Variants in ZBTB20 observed in about 807,000 individuals in gnomAD.
ZBTB20 encodes the protein zinc finger and BTB domain-containing protein 20.
A neutral mutation model predicts 56.9 loss-of-function variants in ZBTB20; 9 were observed. The observed-to-expected ratio is 0.16, with a 90% CI of 0.10 to 0.28. The LOEUF is 0.28. Ranked by LOEUF, ZBTB20 falls within the 10% of genes least tolerant of loss-of-function variation. The pLI is 1.00. For missense variants in ZBTB20, 655 were observed against 1,003.0 expected, an observed-to-expected ratio of 0.65 and a Z score of 4.69; for synonymous variants, 417 against 420.7, an observed-to-expected ratio of 0.99 and a Z score of 0.11.
chr3:114,539,412 G>C (rs1025581448), intron 6 of ZBTB20, among the ~76,000 whole-genome samples: 3 of 152,120 alleles, frequency 2.0e-5, no homozygotes, highest in African/African-American at 7.2e-5. Context: ...TTGTATAGCA[G>C]TGTAAAGTTT....
At chr3:114,460,502 A>T (rs1418078811) in intron 7 of ZBTB20, among the ~76,000 whole-genome samples, 1 of 152,192 alleles carries the variant, frequency 6.6e-6, no homozygotes, top group African/African-American at 2.4e-5. Context: ...GACAGAAACA[A>T]GAGGTTGGGG....
intron 6 of ZBTB20, among the ~76,000 whole-genome samples, chr3:114,597,956 C>T (rs556738225): frequency 2.0e-5 from 3 of 151,974 alleles, no homozygotes; most frequent in Non-Finnish European, 4.4e-5. Context: ...TCTTTAAAGG[C>T]TTTTATTTTG....
intron 1 of ZBTB20, among the ~76,000 whole-genome samples, chr3:115,078,536 T>C (rs2082674992): frequency 6.6e-6 from 1 of 151,386 alleles, no homozygotes. Flanking sequence ...TTAATGACCA[T>C]TATGGCACAT....
At chr3:115,032,581 A>G (rs147675800) in intron 2 of ZBTB20, among the ~76,000 whole-genome samples, 2,318 of 151,572 alleles carry the variant, frequency 0.015, 32 homozygotes, top group South Asian at 0.049. Flanking sequence ...AAAACAGAAT[A>G]CGCAATCTTC....
At chr3:114,643,011 C>T (rs1201798971) in intron 6 of ZBTB20, among the ~76,000 whole-genome samples, 1 of 152,012 alleles carries the variant, frequency 6.6e-6, no homozygotes, top group African/African-American at 2.4e-5. Context: ...TTGACTTAAG[C>T]TACACATCTT....
intron 1 of ZBTB20, among the ~76,000 whole-genome samples, chr3:115,146,128 G>A (rs1176858952): frequency 1.3e-5 from 2 of 152,166 alleles, no homozygotes; most frequent in Admixed American, 6.5e-5. Flanking sequence ...ACTACTTCCT[G>A]ATTCATTCAG....
intron 7 of ZBTB20, among the ~76,000 whole-genome samples, chr3:114,490,316 G>T (rs544278900): frequency 1.3e-5 from 2 of 152,046 alleles, no homozygotes; most frequent in Non-Finnish European, 2.9e-5. Context: ...CTGCCTCCTG[G>T]GTTCAAGAGA....
chr3:115,023,179 C>G (rs901040685), intron 2 of ZBTB20, among the ~76,000 whole-genome samples: 4 of 150,798 alleles, frequency 2.7e-5, no homozygotes, highest in African/African-American at 4.8e-5. Flanking sequence ...GAAACCTTAA[C>G]AGGTAGAAAT....
Position 114,334,897 on chromosome 3 carries a change from C to G in ZBTB20, c.*4108G>C, listed in dbSNP as rs1576207144. On this transcript the variant is annotated 3_prime_UTR_variant, in exon 12 of 12. Coordinates refer to ENST00000675478, the MANE Select transcript of ZBTB20 (RefSeq NM_001348800.3). ...GAGATTTTCATTTCAGATTTTTTTT[C>G]TTTGCTTAGCTTGTTTCCCCCTGTG... The G allele has an allele frequency of 1.3e-5, 2 of 152,044 alleles. No homozygotes were observed. Among genetic ancestry groups the G allele is most frequent in the East Asian group, 3.9e-4 (2 of 5,178 alleles). The allele number at this position is 152,044 out of a possible 1,614,324, so 9.4% of individuals were successfully genotyped here.
At chr3:114,637,777 A>G (rs376634630) in intron 6 of ZBTB20, among the ~76,000 whole-genome samples, 1 of 152,118 alleles carries the variant, frequency 6.6e-6, no homozygotes, top group South Asian at 2.1e-4. Flanking sequence ...TTAAATATAT[A>G]ACATGTGTTC....
chr3:114,912,794 T>C (rs1176124553), intron 3 of ZBTB20, among the ~76,000 whole-genome samples: 1 of 151,982 alleles, frequency 6.6e-6, no homozygotes, highest in Non-Finnish European at 1.5e-5. Flanking sequence ...GTAACTGTCA[T>C]TCTACTCTCT....
intron 4 of ZBTB20, among the ~76,000 whole-genome samples, chr3:114,860,430 A>AT (rs978916678): frequency 3.3e-5 from 5 of 152,202 alleles, no homozygotes; most frequent in South Asian, 2.1e-4. Flanking sequence ...CTGTGGCTTA[A>AT]TTTTTTTTAA....
intron 7 of ZBTB20, among the ~76,000 whole-genome samples, chr3:114,496,803 A>C (rs2109592505): frequency 6.6e-6 from 1 of 152,284 alleles, no homozygotes. Flanking sequence ...ATGATAGGAA[A>C]TTGGGGCATT....
intron 6 of ZBTB20, among the ~76,000 whole-genome samples, chr3:114,673,018 G>A (rs2061434680): frequency 6.6e-6 from 1 of 152,098 alleles, no homozygotes; most frequent in Admixed American, 6.6e-5. Context: ...ACAGAAGTTT[G>A]AGAACCACAT....
intron 3 of ZBTB20, among the ~76,000 whole-genome samples, chr3:114,934,453 T>C (rs1210414724): frequency 6.6e-6 from 1 of 152,198 alleles, no homozygotes; most frequent in East Asian, 1.9e-4. Flanking sequence ...CCAAATCAGG[T>C]ATTTGCCTTA....
chr3:114,326,214 A>C lies in ZBTB20; in HGVS notation c.*12791T>G, dbSNP rs1038056320. On this transcript the variant is annotated 3_prime_UTR_variant, in exon 12 of 12. Coordinates refer to ENST00000675478, the MANE Select transcript of ZBTB20 (RefSeq NM_001348800.3). The stretch of plus-strand genomic sequence containing the variant: ...GTAGATATTAATTAGAAATACCCAA[A>C]GAATTTAATTAAACTAATTTATTCC... The C allele has an allele frequency of 3.3e-5, 5 of 152,194 alleles. No homozygotes were observed. Among genetic ancestry groups the C allele is most frequent in the Non-Finnish European group, 7.4e-5 (5 of 68,022 alleles). 9.4% of individuals were successfully genotyped at this position (152,194 alleles called of 1,614,324 possible).
At chr3:114,680,051 C>T (rs962326295) in intron 6 of ZBTB20, among the ~76,000 whole-genome samples, 3 of 152,216 alleles carry the variant, frequency 2.0e-5, no homozygotes, top group African/African-American at 4.8e-5. Context: ...AACCAAACAC[C>T]ACATGTTCTC....
At position 114,909,736 on chromosome 3, in the gene ZBTB20, T is replaced by G. The variant is rs541433339; in HGVS notation, c.-455-9394A>C. On this transcript the variant is annotated intron_variant, in intron 3 of 11. Transcript: ENST00000675478. Reference sequence around the variant, plus strand: ...TGATGAAATCACCTAACAATGCATTTCTCAGAATGTATCCCTGTCATTACG... The same window carrying G: ...TGATGAAATCACCTAACAATGCATTGCTCAGAATGTATCCCTGTCATTACG... 2.6e-5 allele frequency among the ~76,000 whole-genome samples: 4 copies of G among 152,104 alleles called. No individual in the cohort carries two copies. The East Asian group carries it at 7.7e-4, about 29-fold the overall frequency.
intron 5 of ZBTB20, among the ~76,000 whole-genome samples, chr3:114,757,130 T>A (rs1040103035): frequency 1.6e-4 from 24 of 152,262 alleles, no homozygotes; most frequent in Non-Finnish European, 3.2e-4. Flanking sequence ...GCAGCTGGAC[T>A]TCATTTTTGT....
Sources: allele counts gnomAD v4.1 joint callset (sites outside exome capture counted in the v4.1 genomes callset), GRCh38; gene constraint gnomAD v4.1.1; transcripts MANE v1.5; gene names NCBI Gene and HGNC (gene_info 2026-07-23, HGNC 2026-07-21).